Variants in ARF4 observed in about 807,000 individuals in gnomAD.
ARF4 encodes ARF GTPase 4, also known as ADP-ribosylation factor 4.
In ARF4, 5 loss-of-function variants were observed where a neutral mutation model predicts 24.3. The observed-to-expected ratio is 0.21, with a 90% CI of 0.11 to 0.43. The LOEUF (loss-of-function observed/expected upper bound fraction) is 0.43, where lower values mean the gene tolerates loss of function less well. ARF4 is among the 20% of genes least tolerant of loss of function. The pLI, the probability that ARF4 is intolerant of heterozygous loss-of-function variation, is 1.00. For missense variants in ARF4, 107 were observed against 213.0 expected (o/e 0.50, Z 3.10); for synonymous variants, 62 against 73.5 (o/e 0.84, Z 0.80).
intron 5 of ARF4, 70 bp from the exon 6 acceptor site, chr3:57,572,368 TAATC>T: frequency 8.6e-7 from 1 of 1,169,084 alleles, no homozygotes; most frequent in Non-Finnish European, 1.3e-6. Context: ...TAAACTTTCT[TAATC>T]AAACTTAAGA....
chr3:57,586,022 G>A (rs1427037479), intron 1 of ARF4, among the ~76,000 whole-genome samples: 1 of 151,994 alleles, frequency 6.6e-6, no homozygotes, highest in African/African-American at 2.4e-5. Context: ...GTGTTTGCTT[G>A]TGAAAAAAAA....
chr3:57,591,210 A>C (rs1230399607), intron 1 of ARF4, among the ~76,000 whole-genome samples: 1 of 152,158 alleles, frequency 6.6e-6, no homozygotes, highest in Non-Finnish European at 1.5e-5. Flanking sequence ...TCCGCTCCTA[A>C]GTATTTATCA....
At chr3:57,577,207 C>G in intron 4 of ARF4, 109 bp downstream of exon 4, 2 of 874,880 alleles carry the variant, frequency 2.3e-6, no homozygotes, top group Non-Finnish European at 3.7e-6. Flanking sequence ...TTTCTAGCCC[C>G]CCCAATCCAT....
chr3:57,584,334 T>C, intron 2 of ARF4, 50 bp downstream of exon 2: 1 of 1,405,522 alleles, frequency 7.1e-7, no homozygotes, highest in Non-Finnish European at 1.0e-6. Flanking sequence ...ACTGTATATA[T>C]TTCACTTTAC....
At chr3:57,590,343 G>T (rs143041234) in intron 1 of ARF4, among the ~76,000 whole-genome samples, 2 of 149,918 alleles carry the variant, frequency 1.3e-5, no homozygotes, top group African/African-American at 2.5e-5. Context: ...AAAATTAGCC[G>T]GGCGCAGTGG....
At chr3:57,589,397 C>G (rs1015837069) in intron 1 of ARF4, among the ~76,000 whole-genome samples, 2 of 152,000 alleles carry the variant, frequency 1.3e-5, no homozygotes, top group Admixed American at 6.6e-5. Flanking sequence ...CACTGCAATT[C>G]AGCGTAAGCA....
chr3:57,575,507 C>T, intron 5 of ARF4, 41 bp downstream of exon 5: 1 of 1,574,330 alleles, frequency 6.4e-7, no homozygotes, highest in Non-Finnish European at 8.6e-7. Context: ...CCTAGTAAGT[C>T]TTAATAGTCA....
At chr3:57,590,671 T>G (rs1359820647) in intron 1 of ARF4, among the ~76,000 whole-genome samples, 1 of 152,176 alleles carries the variant, frequency 6.6e-6, no homozygotes, top group African/African-American at 2.4e-5. Context: ...AGTGTGTGTG[T>G]GTACATATAT....
chr3:57,580,463 G>A (rs1437468645), intron 3 of ARF4, among the ~76,000 whole-genome samples: 12 of 151,998 alleles, frequency 7.9e-5, no homozygotes, highest in South Asian at 4.2e-4. Context: ...GTACAGAGGC[G>A]CAACTGTAGC....
At chr3:57,578,744 G>A (rs1026274307) in intron 3 of ARF4, among the ~76,000 whole-genome samples, 2 of 152,198 alleles carry the variant, frequency 1.3e-5, no homozygotes, top group African/African-American at 4.8e-5. Context: ...CTCCCAAAGT[G>A]TTGGGATTAC....
intron 4 of ARF4, among the ~76,000 whole-genome samples, 184 bp from the exon 5 acceptor site, chr3:57,575,857 TC>T (rs1351404683): frequency 2.0e-5 from 3 of 152,204 alleles, no homozygotes; most frequent in Non-Finnish European, 4.4e-5. Context: ...GAGCAAACAA[TC>T]ATATGCCTTC....
chr3:57,572,653 G>A (rs1256790284), intron 5 of ARF4, among the ~76,000 whole-genome samples: 2 of 152,140 alleles, frequency 1.3e-5, no homozygotes, highest in Non-Finnish European at 2.9e-5. Flanking sequence ...TCCAGCCTGG[G>A]CGACAGAGTG....
In ARF4 at chr3:57,597,192, C is replaced by T; in HGVS notation, c.-52G>A. On this transcript the variant is annotated 5_prime_UTR_variant, in exon 1 of 6. Coordinates refer to ENST00000303436, the MANE Select transcript of ARF4 (RefSeq NM_001660.4). Reference sequence around the variant, plus strand: ...GAAGCAGAAGGGGTTTGGGGCGACCCCGTGCTTTCTCCTTTCAAGCTCCCA... The same window carrying T: ...GAAGCAGAAGGGGTTTGGGGCGACCTCGTGCTTTCTCCTTTCAAGCTCCCA... The T allele has an allele frequency of 6.5e-7, 1 of 1,547,290 alleles. No individual in the cohort carries two copies. Among genetic ancestry groups the T allele is most frequent in the Non-Finnish European group, 8.9e-7 (1 of 1,123,232 alleles).
chr3:57,587,362 CAAAGA>C (rs1297265625), intron 1 of ARF4, among the ~76,000 whole-genome samples: 3 of 137,916 alleles, frequency 2.2e-5, no homozygotes, highest in Admixed American at 7.3e-5. Context: ...AAAATACTGA[CAAAGA>C]AAAGAATTGA....
chr3:57,586,038 A>C (rs2070032960), intron 1 of ARF4, among the ~76,000 whole-genome samples: 1 of 152,134 alleles, frequency 6.6e-6, no homozygotes, highest in Admixed American at 6.6e-5. Flanking sequence ...AAAAATCCAC[A>C]CTAGAACAAG....
intron 1 of ARF4, among the ~76,000 whole-genome samples, chr3:57,592,621 AT>A (rs2070128749): frequency 6.6e-6 from 1 of 152,200 alleles, no homozygotes; most frequent in Non-Finnish European, 1.5e-5. Flanking sequence ...TTATCAGTTA[AT>A]TAGCAGCAAA....
intron 3 of ARF4, among the ~76,000 whole-genome samples, chr3:57,581,738 T>C (rs528903755): frequency 4.9e-4 from 74 of 152,222 alleles, no homozygotes; most frequent in African/African-American, 1.3e-3. Context: ...AGGCAGAGGT[T>C]GCAGTGAGCC....
Position 57,572,145 on chromosome 3 carries a change from T to G in ARF4, c.*67A>C, listed in dbSNP as rs2069849295. ...ACTGTTTAATAACCAAGATACAAACTAATTTTGTTGTAACAAGCCTAGACC... is the reference window on the plus strand; with the variant it reads ...ACTGTTTAATAACCAAGATACAAACGAATTTTGTTGTAACAAGCCTAGACC... On this transcript the variant is annotated 3_prime_UTR_variant, in exon 6 of 6. Coordinates refer to ENST00000303436, the MANE Select transcript of ARF4 (RefSeq NM_001660.4). 1.6e-5 allele frequency: 20 copies of G among 1,261,814 alleles called. No homozygotes were observed. The highest frequency in any genetic ancestry group is 2.3e-5 in the Non-Finnish European group (20 of 861,820). 78.2% of individuals were successfully genotyped at this position (1,261,814 alleles called of 1,614,324 possible).
chr3:57,588,604 A>G (rs2070066547), intron 1 of ARF4, among the ~76,000 whole-genome samples: 1 of 150,220 alleles, frequency 6.7e-6, no homozygotes, highest in South Asian at 2.1e-4. Context: ...CTGTAATCCC[A>G]GCACTTTGGG....
Sources: allele counts gnomAD v4.1 joint callset (sites outside exome capture counted in the v4.1 genomes callset), GRCh38; gene constraint gnomAD v4.1.1; transcripts MANE v1.5; gene names NCBI Gene and HGNC (gene_info 2026-07-23, HGNC 2026-07-21).